The following RGS6 variants were observed in gnomAD, a reference collection of about 807,000 sequenced individuals.
RGS6 encodes the protein regulator of G protein signaling 6, also known as regulator of G-protein signaling 6.
A neutral mutation model predicts 78.5 loss-of-function variants in RGS6; 30 were observed. The observed-to-expected ratio is 0.38, with a 90% CI of 0.29 to 0.52. The LOEUF (loss-of-function observed/expected upper bound fraction) is 0.52. Ranked by LOEUF, RGS6 falls within the 20% of genes least tolerant of loss-of-function variation. RGS6 has a pLI of 0.85. For missense variants in RGS6, 495 were observed against 609.7 expected (o/e 0.81, Z 1.98); for synonymous variants, 206 against 206.0 (o/e 1.00, Z 0.00).
chr14:72,550,675 C>T, intron 17 of RGS6: 1 of 1,469,210 alleles, frequency 6.8e-7, no homozygotes, highest in Admixed American at 2.2e-5. Context: ...GTCAATCAAT[C>T]ACTAGCCTTT....
In RGS6 at chr14:72,240,790, A is replaced by T. The variant is rs142778706; in HGVS notation, c.85-111305A>T. Among the ~76,000 whole-genome samples the T allele has an allele frequency of 3.7e-3, 562 of 152,320 alleles. 2 individuals carry two copies. The highest frequency in any genetic ancestry group is 0.013 in the African/African-American group (532 of 41,570). On this transcript the variant is annotated intron_variant, in intron 2 of 17. Coordinates refer to ENST00000553525, the MANE Select transcript of RGS6 (RefSeq NM_001204424.2). ...GGTTTGCAGCAGAAATTTCTGTAACATATTTAACAATGCGGTTTAGTATTT... is the reference window on the plus strand; with the variant it reads ...GGTTTGCAGCAGAAATTTCTGTAACTTATTTAACAATGCGGTTTAGTATTT...
chr14:72,163,888 A>G (rs1015098721), intron 2 of RGS6, among the ~76,000 whole-genome samples: 12 of 151,936 alleles, frequency 7.9e-5, no homozygotes, highest in African/African-American at 2.4e-4. Context: ...ATCTCAAAAA[A>G]AAAAAAAAAA....
chr14:72,352,209 GC>G lies in RGS6; in HGVS notation c.184+16del. Reference sequence around the variant, plus strand: ...TGTCGTCACAGGTAACACCCTCCTTGCAAGGTGTTGGTAACAGTCAGAACTA... The same window carrying G: ...TGTCGTCACAGGTAACACCCTCCTTGAAGGTGTTGGTAACAGTCAGAACTA... On this transcript the variant is annotated intron_variant, in intron 3 of 17. Coordinates refer to ENST00000553525, the MANE Select transcript of RGS6 (RefSeq NM_001204424.2). The G allele has an allele frequency of 6.3e-7, 1 of 1,599,610 alleles. No homozygotes were observed. The highest frequency in any genetic ancestry group is 8.6e-7 in the Non-Finnish European group (1 of 1,167,966).
the RGS6 span, among the ~76,000 whole-genome samples, chr14:71,878,535 G>T: frequency 2.0e-5 from 3 of 152,226 alleles, no homozygotes; most frequent in African/African-American, 7.2e-5. Flanking sequence ...CGTTGGAAAA[G>T]CGCAGTATTA....
chr14:72,039,466 AG>A (rs1156825993), intron 2 of RGS6, among the ~76,000 whole-genome samples: 1 of 152,118 alleles, frequency 6.6e-6, no homozygotes, highest in Admixed American at 6.5e-5. Flanking sequence ...TTCTTCTGAC[AG>A]TTTTGACTTA....
chr14:72,123,294 T>A (rs2096103792), intron 2 of RGS6, among the ~76,000 whole-genome samples: 1 of 152,260 alleles, frequency 6.6e-6, no homozygotes, highest in Non-Finnish European at 1.5e-5. Context: ...TTTCTTCATT[T>A]ATACCTCCAG....
intron 3 of RGS6, among the ~76,000 whole-genome samples, chr14:72,386,758 A>T (rs2088208515): frequency 6.6e-6 from 1 of 152,236 alleles, no homozygotes; most frequent in Non-Finnish European, 1.5e-5. Flanking sequence ...CTATAAATAA[A>T]AAGTGCAATC....
At chr14:71,922,642 A>G in the RGS6 span, among the ~76,000 whole-genome samples, 1 of 152,096 alleles carries the variant, frequency 6.6e-6, no homozygotes, top group African/African-American at 2.4e-5. Context: ...TACTAATGCC[A>G]TTTTTCTGTT....
intron 2 of RGS6, among the ~76,000 whole-genome samples, chr14:72,084,853 G>A (rs1040285729): frequency 6.6e-6 from 1 of 152,094 alleles, no homozygotes; most frequent in Non-Finnish European, 1.5e-5. Context: ...AGAGCGAGTT[G>A]TTCTCAAATA....
chr14:72,548,699 TA>T (rs2097449854), intron 17 of RGS6, among the ~76,000 whole-genome samples: 1 of 151,810 alleles, frequency 6.6e-6, no homozygotes, highest in Admixed American at 6.6e-5. Context: ...GAGGCTGGAG[TA>T]AAAATGTCTA....
intron 12 of RGS6, among the ~76,000 whole-genome samples, chr14:72,486,703 C>A (rs1279509868): frequency 2.0e-5 from 3 of 152,214 alleles, no homozygotes; most frequent in Non-Finnish European, 4.4e-5. Flanking sequence ...TAACTCTCTG[C>A]ATTAAGCTTA....
At chr14:72,602,970 G>A in the RGS6 span, among the ~76,000 whole-genome samples, 1 of 152,120 alleles carries the variant, frequency 6.6e-6, no homozygotes, top group African/African-American at 2.4e-5. Context: ...AATCAAAAAA[G>A]AAACTAAACA....
At chr14:72,350,494 G>A (rs1455902107) in intron 2 of RGS6, among the ~76,000 whole-genome samples, 1 of 152,152 alleles carries the variant, frequency 6.6e-6, no homozygotes, top group Non-Finnish European at 1.5e-5. Context: ...TGGTTGGGTG[G>A]TGCTATGTGA....
intron 3 of RGS6, among the ~76,000 whole-genome samples, chr14:72,378,858 C>T (rs1307338204): frequency 6.6e-6 from 1 of 151,916 alleles, no homozygotes; most frequent in Non-Finnish European, 1.5e-5. Flanking sequence ...GTGTAACTAA[C>T]TAGATAAGGA....
At chr14:71,911,033 G>C in the RGS6 span, among the ~76,000 whole-genome samples, 1 of 152,096 alleles carries the variant, frequency 6.6e-6, no homozygotes, top group African/African-American at 2.4e-5. Context: ...TGATCTCATA[G>C]AGATCTGTGA....
rs148226069 is a variant in RGS6, at chr14:72,037,065, C to T, written c.84+72190C>T. 9.0e-3 allele frequency among the ~76,000 whole-genome samples: 1,374 copies of T among 152,084 alleles called. 12 individuals are homozygous for T. The highest frequency in any genetic ancestry group is 0.013 in the Non-Finnish European group (853 of 67,990). Reference sequence around the variant, plus strand: ...CACTCTGTAAAAACACACCAATCAGCGCTTTGTGTCTAGCTAAAAGATTGT... The same window carrying T: ...CACTCTGTAAAAACACACCAATCAGTGCTTTGTGTCTAGCTAAAAGATTGT... On this transcript the variant is annotated intron_variant, in intron 2 of 17. Transcript: ENST00000553525.
At chr14:72,160,242 G>A (rs1219055248) in intron 2 of RGS6, among the ~76,000 whole-genome samples, 4 of 152,172 alleles carry the variant, frequency 2.6e-5, no homozygotes, top group African/African-American at 4.8e-5. Flanking sequence ...GAATAAAAAT[G>A]ATTTTAACAA....
intron 15 of RGS6, 111 bp from the exon 16 acceptor site, chr14:72,536,075 T>C (rs2097247997): frequency 1.2e-6 from 1 of 812,700 alleles, no homozygotes; most frequent in Admixed American, 1.8e-5. Context: ...CATGCAAACA[T>C]ACCTAGGTTC....
chr14:72,476,895 C>A, intron 11 of RGS6, 55 bp downstream of exon 11: 1 of 1,468,192 alleles, frequency 6.8e-7, no homozygotes, highest in Non-Finnish European at 9.5e-7. Flanking sequence ...GTTTAAAAAC[C>A]CTTTCAAATG....
Sources: allele counts gnomAD v4.1 joint callset (sites outside exome capture counted in the v4.1 genomes callset), GRCh38; gene constraint gnomAD v4.1.1; transcripts MANE v1.5; gene names NCBI Gene and HGNC (gene_info 2026-07-23, HGNC 2026-07-21).